Variants in PPARGC1A observed in about 807,000 individuals in gnomAD.
The protein encoded by PPARGC1A is peroxisome proliferator-activated receptor gamma coactivator 1-alpha.
PPARGC1A carries 25 observed loss-of-function variants against 88.7 expected under a neutral mutation model. The observed-to-expected ratio is 0.28, with a 90% CI of 0.21 to 0.39. The LOEUF is 0.39. Ranked by LOEUF, PPARGC1A falls within the 10% of genes least tolerant of loss-of-function variation. The pLI, the probability that PPARGC1A is intolerant of heterozygous loss-of-function variation, is 1.00. For missense variants in PPARGC1A, 880 were observed against 968.7 expected (o/e 0.91, Z 1.22); for synonymous variants, 363 against 355.6 (o/e 1.02, Z -0.24).
chr4:23,966,076 C>T, the PPARGC1A span, among the ~76,000 whole-genome samples: 230 of 152,276 alleles, frequency 1.5e-3, 1 homozygote, highest in South Asian at 7.7e-3. Flanking sequence ...GTTAAACGCA[C>T]CGCACTGTAT....
the PPARGC1A span, among the ~76,000 whole-genome samples, chr4:24,405,119 G>C: frequency 3.9e-5 from 6 of 151,914 alleles, no homozygotes; most frequent in African/African-American, 1.5e-4. Context: ...TATGTCCCCA[G>C]GGATGAAAAA....
intron 2 of PPARGC1A, among the ~76,000 whole-genome samples, chr4:23,851,645 T>C (rs1050941107): frequency 6.6e-6 from 1 of 152,160 alleles, no homozygotes; most frequent in African/African-American, 2.4e-5. Context: ...GGCACACCAG[T>C]TCTTGCAAAA....
the PPARGC1A span, among the ~76,000 whole-genome samples, chr4:24,388,369 G>A: frequency 6.6e-6 from 1 of 152,300 alleles, no homozygotes; most frequent in Middle Eastern, 3.4e-3. Context: ...TACATCGTTG[G>A]TGGGAGCGTA....
intron 8 of PPARGC1A, 135 bp from the exon 9 acceptor site, chr4:23,813,260 C>G (rs1385288778): frequency 2.7e-6 from 2 of 741,592 alleles, no homozygotes; most frequent in Non-Finnish European, 4.6e-6. Context: ...GGGAGATTTC[C>G]CAGTGACAGT....
the PPARGC1A span, among the ~76,000 whole-genome samples, chr4:24,153,967 C>T: frequency 6.6e-6 from 1 of 152,064 alleles, no homozygotes; most frequent in Non-Finnish European, 1.5e-5. Context: ...GAAGAGAGTA[C>T]AGGACAAATT....
the PPARGC1A span, among the ~76,000 whole-genome samples, chr4:24,469,596 C>T: frequency 6.6e-6 from 1 of 152,168 alleles, no homozygotes; most frequent in African/African-American, 2.4e-5. Flanking sequence ...CTAAGAGTAG[C>T]ACAGTACCCA....
intron 2 of PPARGC1A, among the ~76,000 whole-genome samples, chr4:23,832,695 C>T (rs564975395): frequency 5.0e-4 from 76 of 151,044 alleles, no homozygotes; most frequent in African/African-American, 1.6e-3. Flanking sequence ...CTGCAAGCTC[C>T]GCCTCCTGGG....
At chr4:24,464,010 C>A in the PPARGC1A span, among the ~76,000 whole-genome samples, 1 of 152,074 alleles carries the variant, frequency 6.6e-6, no homozygotes, top group African/African-American at 2.4e-5. Flanking sequence ...CCCTATTATT[C>A]AGAAAGGGTT....
chr4:24,047,028 C>A, the PPARGC1A span, among the ~76,000 whole-genome samples: 1 of 152,194 alleles, frequency 6.6e-6, no homozygotes, highest in Non-Finnish European at 1.5e-5. Flanking sequence ...CAAGCCCACT[C>A]TGACTGACAA....
the PPARGC1A span, among the ~76,000 whole-genome samples, chr4:24,185,746 C>G: frequency 1.3e-5 from 2 of 151,896 alleles, no homozygotes; most frequent in Non-Finnish European, 1.5e-5. Flanking sequence ...ACTAATGTGT[C>G]ATCTAGCATT....
intron 2 of PPARGC1A, among the ~76,000 whole-genome samples, chr4:23,835,466 T>TTGTGTGTGTG (rs145407468): frequency 0.011 from 1,457 of 135,330 alleles, 13 homozygotes; most frequent in South Asian, 0.02. Context: ...GCATGGCGGC[T>TTGTGTGTGTG]TGTGTGTGTG....
the PPARGC1A span, among the ~76,000 whole-genome samples, chr4:24,027,245 G>C: frequency 2.7e-5 from 4 of 150,256 alleles, no homozygotes; most frequent in Non-Finnish European, 4.4e-5. Flanking sequence ...GTCTGTGTGT[G>C]TGCGTGCATA....
At chr4:23,839,004 A>G (rs992207951) in intron 2 of PPARGC1A, among the ~76,000 whole-genome samples, 2 of 152,230 alleles carry the variant, frequency 1.3e-5, no homozygotes, top group Non-Finnish European at 2.9e-5. Context: ...GTAAAAATAA[A>G]ATAAGAATCA....
chr4:24,340,574 T>A, the PPARGC1A span, among the ~76,000 whole-genome samples: 5 of 152,192 alleles, frequency 3.3e-5, no homozygotes, highest in Non-Finnish European at 5.9e-5. Flanking sequence ...ACTTTTTTTT[T>A]AATGTCCATA....
the PPARGC1A span, among the ~76,000 whole-genome samples, chr4:24,311,993 C>A: frequency 6.6e-6 from 1 of 152,140 alleles, no homozygotes; most frequent in African/African-American, 2.4e-5. Context: ...CTTCCACAAT[C>A]CCCCACGGGA....
At chr4:24,095,564 G>T in the PPARGC1A span, among the ~76,000 whole-genome samples, 1 of 152,018 alleles carries the variant, frequency 6.6e-6, no homozygotes. Flanking sequence ...GCCATATGAG[G>T]GTAAGGACAG....
chr4:23,913,490 T>C, the PPARGC1A span, among the ~76,000 whole-genome samples: 10 of 151,852 alleles, frequency 6.6e-5, no homozygotes, highest in Non-Finnish European at 8.8e-5. Flanking sequence ...CCTTCCATAG[T>C]AGTAGAACAA....
chr4:24,269,005 G>C, the PPARGC1A span, among the ~76,000 whole-genome samples: 1 of 151,890 alleles, frequency 6.6e-6, no homozygotes, highest in African/African-American at 2.4e-5. Context: ...TGAACAAGTG[G>C]GTGGAAATTT....
intron 10 of PPARGC1A, among the ~76,000 whole-genome samples, chr4:23,806,092 C>T (rs1719755700): frequency 6.6e-6 from 1 of 152,076 alleles, no homozygotes; most frequent in Admixed American, 6.5e-5. Flanking sequence ...AAGGGGTGTT[C>T]CACAATTACT....
Sources: allele counts gnomAD v4.1 joint callset (sites outside exome capture counted in the v4.1 genomes callset), GRCh38; gene constraint gnomAD v4.1.1; transcripts MANE v1.5; gene names NCBI Gene and HGNC (gene_info 2026-07-23, HGNC 2026-07-21).